Variants in PTPRG observed in about 807,000 individuals in gnomAD.
PTPRG encodes receptor-type tyrosine-protein phosphatase gamma.
PTPRG carries 102 observed loss-of-function variants against 165.3 expected under a neutral mutation model. The ratio of observed to expected loss-of-function variants is 0.62; its 90% CI spans 0.53 to 0.73. The LOEUF (loss-of-function observed/expected upper bound fraction) is 0.73. Ranked by LOEUF, PTPRG falls within the 30% of genes least tolerant of loss-of-function variation. PTPRG has a pLI of 0.00. For synonymous variants in PTPRG, 675 were observed against 669.5 expected, an observed-to-expected ratio of 1.01 and a Z score of -0.13; for missense variants, 1,866 against 1,861.4, an observed-to-expected ratio of 1.00 and a Z score of -0.05.
intron 12 of PTPRG, among the ~76,000 whole-genome samples, chr3:62,208,042 T>A (rs1197362408): frequency 1.3e-5 from 2 of 152,204 alleles, no homozygotes; most frequent in African/African-American, 2.4e-5. Flanking sequence ...TTCTGCTTTT[T>A]AAAAATGTAG....
At chr3:61,855,651 CT>C (rs35525843) in intron 2 of PTPRG, among the ~76,000 whole-genome samples, 11,634 of 120,288 alleles carry the variant, frequency 0.097, 572 homozygotes, top group Non-Finnish European at 0.11. Flanking sequence ...AAGGGTAGGC[CT>C]TTTTTTTTTT....
chr3:62,114,775 G>T (rs1281237645), intron 5 of PTPRG, among the ~76,000 whole-genome samples: 1 of 152,092 alleles, frequency 6.6e-6, no homozygotes, highest in Non-Finnish European at 1.5e-5. Flanking sequence ...CTCCTGAGCA[G>T]CTAGGACAGG....
chr3:61,866,023 C>A (rs569537698), intron 2 of PTPRG, among the ~76,000 whole-genome samples: 39 of 152,276 alleles, frequency 2.6e-4, no homozygotes, highest in African/African-American at 8.2e-4. Context: ...GAATCTTTAA[C>A]TCCTTTGAAG....
chr3:61,985,232 G>A (rs946358376), intron 2 of PTPRG, among the ~76,000 whole-genome samples: 2 of 152,180 alleles, frequency 1.3e-5, no homozygotes, highest in African/African-American at 4.8e-5. Flanking sequence ...AAACTTCTCT[G>A]CACTGCAGGA....
chr3:61,569,191 T>C (rs934061575), intron 1 of PTPRG, among the ~76,000 whole-genome samples: 9 of 152,222 alleles, frequency 5.9e-5, no homozygotes, highest in Admixed American at 2.0e-4. Context: ...TGCTTTTCTA[T>C]TTGTTTTCTA....
chr3:61,893,466 G>T (rs1441571530), intron 2 of PTPRG, among the ~76,000 whole-genome samples: 1 of 152,184 alleles, frequency 6.6e-6, no homozygotes, highest in Non-Finnish European at 1.5e-5. Context: ...CAGAGTGATT[G>T]ATTATTGACT....
At chr3:61,672,003 C>CG (rs1703018351) in intron 1 of PTPRG, among the ~76,000 whole-genome samples, 2 of 113,396 alleles carry the variant, frequency 1.8e-5, no homozygotes, top group African/African-American at 4.1e-5. Context: ...ACTTCTCAGA[C>CG]GGGGCGGTTG....
At chr3:61,886,389 A>C (rs1040408659) in intron 2 of PTPRG, among the ~76,000 whole-genome samples, 1 of 152,116 alleles carries the variant, frequency 6.6e-6, no homozygotes, top group African/African-American at 2.4e-5. Context: ...TTACTTACCT[A>C]TATTTGTATA....
intron 6 of PTPRG, among the ~76,000 whole-genome samples, chr3:62,133,750 C>T (rs1166046881): frequency 1.3e-5 from 2 of 152,014 alleles, no homozygotes; most frequent in Admixed American, 1.3e-4. Context: ...TTTGGGAGGC[C>T]GAAGTGGGTG....
At position 62,273,637 on chromosome 3, in the gene PTPRG, C is replaced by T. The variant is rs1353190360; in HGVS notation, c.3319-61C>T. ...AGCAGAATTAAACTAAGGTACACTT[C>T]ATGAATGAGTGGCTAACCCTTAACA... On this transcript the variant is annotated intron_variant, in intron 22 of 29. Coordinates refer to ENST00000474889, the MANE Select transcript of PTPRG (RefSeq NM_002841.4). This position sits in a 1 kb window ranked among gnomAD's most constrained non-coding sequence, Gnocchi z 4.1. The T allele has an allele frequency of 3.2e-6, 5 of 1,540,398 alleles. No individual in the cohort carries two copies. The highest frequency in any genetic ancestry group is 4.5e-6 in the Non-Finnish European group (5 of 1,117,042).
At chr3:61,814,226 A>G (rs2035687798) in intron 2 of PTPRG, among the ~76,000 whole-genome samples, 1 of 152,160 alleles carries the variant, frequency 6.6e-6, no homozygotes, top group African/African-American at 2.4e-5. Flanking sequence ...CAGTGAAGAT[A>G]TTGATGGGGA....
intron 12 of PTPRG, among the ~76,000 whole-genome samples, chr3:62,211,363 T>C (rs1192835066): frequency 6.6e-6 from 1 of 151,716 alleles, no homozygotes; most frequent in Non-Finnish European, 1.5e-5. Flanking sequence ...AAATGGGGAG[T>C]TGTTTAATGG....
chr3:62,082,529 A>T (rs1207103788), intron 5 of PTPRG, among the ~76,000 whole-genome samples: 2 of 152,242 alleles, frequency 1.3e-5, no homozygotes, highest in African/African-American at 2.4e-5. Flanking sequence ...ATGTAGCAGT[A>T]ATCGAGATGT....
At chr3:62,003,264 G>T in intron 3 of PTPRG, 85 bp from the exon 4 acceptor site, 1 of 1,452,598 alleles carries the variant, frequency 6.9e-7, no homozygotes, top group Non-Finnish European at 9.4e-7. Context: ...CATGGTAATG[G>T]TGAACTTTAT....
rs527893508 is a variant in PTPRG, at chr3:61,568,181, A to T, written c.85+5809A>T. Among the ~76,000 whole-genome samples, 156 of 152,330 alleles carry T rather than the reference A, an allele frequency of 1.0e-3. 2 individuals carry two copies. The South Asian group carries it at 0.013, about 13-fold the overall frequency. ...ACCAACAAAATCAATAAAAAGGATA[A>T]GTATATTCCAGAAACCTGTATTTAC... On this transcript the variant is annotated intron_variant, in intron 1 of 29. Coordinates refer to ENST00000474889, the MANE Select transcript of PTPRG (RefSeq NM_002841.4).
intron 2 of PTPRG, among the ~76,000 whole-genome samples, chr3:61,914,992 A>C (rs2038898531): frequency 6.6e-6 from 1 of 152,216 alleles, no homozygotes. Context: ...GCACTTTGGG[A>C]GGCCAAGGCG....
At chr3:61,878,737 C>T (rs1170946532) in intron 2 of PTPRG, among the ~76,000 whole-genome samples, 4 of 152,128 alleles carry the variant, frequency 2.6e-5, no homozygotes, top group Non-Finnish European at 4.4e-5. Flanking sequence ...CTCCTGGGCT[C>T]AAGCCATCCT....
intron 1 of PTPRG, among the ~76,000 whole-genome samples, chr3:61,617,776 G>T (rs940954447): frequency 6.6e-5 from 10 of 151,588 alleles, no homozygotes; most frequent in Non-Finnish European, 2.9e-5. Flanking sequence ...CTTTACTTCT[G>T]TGAGTTAAAG....
At chr3:62,288,382 A>AT (rs1384998475) in intron 28 of PTPRG, among the ~76,000 whole-genome samples, 11 of 152,212 alleles carry the variant, frequency 7.2e-5, no homozygotes, top group Non-Finnish European at 1.3e-4. Context: ...CATTAAAAAC[A>AT]TTCAAGAATT....
Sources: gnomAD v4.1 joint callset for allele counts (sites outside exome capture counted in the v4.1 genomes callset) on GRCh38, gnomAD v4.1.1 for gene constraint, Gnocchi (gnomAD v3.1) non-coding constraint, MANE v1.5 for transcripts, NCBI Gene and HGNC (gene_info 2026-07-23, HGNC 2026-07-21) for gene names.